Variants in DSG2 observed in about 807,000 individuals in gnomAD.
DSG2 encodes the protein desmoglein 2, also known as desmoglein-2.
In DSG2, 45 loss-of-function variants were observed where a neutral mutation model predicts 75.6. That is an observed-to-expected ratio of 0.60 (90% CI 0.47 to 0.76). The LOEUF is 0.76. Ranked by LOEUF, DSG2 falls within the 30% of genes least tolerant of loss-of-function variation. The probability of loss-of-function intolerance (pLI) is 0.00; values close to 1 mark genes in which losing one functional copy is unlikely to be tolerated. For missense variants in DSG2, 1,267 were observed against 1,357.4 expected (o/e 0.93, Z 1.05); for synonymous variants, 429 against 483.9 (o/e 0.89, Z 1.49).
At chr18:31,511,427 T>A (rs939387743) in intron 1 of DSG2, among the ~76,000 whole-genome samples, 5 of 152,142 alleles carry the variant, frequency 3.3e-5, no homozygotes, top group African/African-American at 1.2e-4. Context: ...TGGAGAACGA[T>A]TGGTCTAAAT....
intron 5 of DSG2, 147 bp downstream of exon 5, chr18:31,521,390 C>G: frequency 1.2e-6 from 1 of 865,772 alleles, no homozygotes; most frequent in Non-Finnish European, 1.8e-6. Context: ...AACTGCTTTC[C>G]TTATAGGTTT....
At chr18:31,510,810 T>C (rs2073062458) in intron 1 of DSG2, among the ~76,000 whole-genome samples, 1 of 152,230 alleles carries the variant, frequency 6.6e-6, no homozygotes, top group African/African-American at 2.4e-5. Flanking sequence ...TTACTTTTCC[T>C]CGTCAGTCTT....
intron 1 of DSG2, among the ~76,000 whole-genome samples, chr18:31,514,643 A>G (rs780026018): frequency 1.3e-5 from 2 of 152,202 alleles, no homozygotes; most frequent in African/African-American, 2.4e-5. Context: ...CAACATTGCT[A>G]TCATCTGAAA....
At chr18:31,506,730 TTA>T (rs1357858530) in intron 1 of DSG2, among the ~76,000 whole-genome samples, 2 of 152,222 alleles carry the variant, frequency 1.3e-5, no homozygotes, top group African/African-American at 4.8e-5. Context: ...ACAGCTTTAT[TTA>T]TATTTTGCCT....
intron 1 of DSG2, among the ~76,000 whole-genome samples, chr18:31,505,518 C>T (rs1002441605): frequency 1.3e-5 from 2 of 152,156 alleles, no homozygotes; most frequent in African/African-American, 2.4e-5. Flanking sequence ...AGCTAAATGC[C>T]TTGGGCACGG....
intron 6 of DSG2, among the ~76,000 whole-genome samples, chr18:31,523,109 G>A (rs2073138872): frequency 1.3e-5 from 2 of 152,130 alleles, no homozygotes; most frequent in African/African-American, 4.8e-5. Context: ...GTATTTCTTA[G>A]AGAAATGATT....
intron 8 of DSG2, 107 bp downstream of exon 8, chr18:31,524,995 C>T: frequency 9.5e-7 from 1 of 1,053,246 alleles, no homozygotes; most frequent in African/African-American, 1.6e-5. Flanking sequence ...ATTCAATTAA[C>T]TAGCACTACA....
Position 31,508,945 on chromosome 18 carries a change from C to T in DSG2, c.46-9294C>T, listed in dbSNP as rs746956955. Among the ~76,000 whole-genome samples, 22 of 152,290 alleles carry T rather than the reference C, an allele frequency of 1.4e-4. No individual in the cohort carries two copies. The Middle Eastern group carries it at 0.014, about 94-fold the overall frequency. On this transcript the variant is annotated intron_variant, in intron 1 of 14. Coordinates refer to ENST00000261590, the MANE Select transcript of DSG2 (RefSeq NM_001943.5). ...CCATCCAGACCTACTGAGTCAGACA[C>T]TCTAAGGCGGGACTCAGTAATCTGT...
chr18:31,531,228 A>G lies in DSG2; in HGVS notation c.1256A>G (p.Asp419Gly), dbSNP rs760135423. The change falls in exon 9 of 15, where the codon GAC (aspartate) becomes GGC (glycine). Residue 419 changes from aspartate (D) to glycine (G), a missense_variant. Transcript: ENST00000261590. ...IIGNFQAFDEDTGLPAHARYV... is the reference protein window; with the variant it reads ...IIGNFQAFDEGTGLPAHARYV... The stretch of plus-strand genomic sequence containing the variant: ...GGAAATTTTCAAGCTTTTGATGAGG[A>G]CACTGGACTACCAGCCCATGCAAGG... 1 of 1,614,204 alleles carries G rather than the reference A, an allele frequency of 6.2e-7. No homozygotes were observed. Among genetic ancestry groups the G allele is most frequent in the Non-Finnish European group, 8.5e-7 (1 of 1,180,028 alleles).
intron 9 of DSG2, among the ~76,000 whole-genome samples, chr18:31,534,347 T>C (rs973618801): frequency 6.6e-6 from 1 of 152,106 alleles, no homozygotes; most frequent in Admixed American, 6.6e-5. Context: ...CAGCATTGGC[T>C]CCTTCCACAC....
At chr18:31,500,320 C>A (rs2073007375) in intron 1 of DSG2, among the ~76,000 whole-genome samples, 1 of 152,218 alleles carries the variant, frequency 6.6e-6, no homozygotes, top group Non-Finnish European at 1.5e-5. Context: ...GAGCTGCTGC[C>A]TCTCCTGTGA....
Position 31,535,424 on chromosome 18 carries a change from AATAG to A in DSG2, c.1423+15_1423+18del. Reference sequence around the variant, plus strand: ...GGCCATATCAGAAGGTAAGTTATTAAATAGATCTTTTTCTTGATTATATGTATTT... The same window carrying A: ...GGCCATATCAGAAGGTAAGTTATTAAATCTTTTTCTTGATTATATGTATTT... On this transcript the variant is annotated intron_variant, in intron 10 of 14. Coordinates refer to ENST00000261590, the MANE Select transcript of DSG2 (RefSeq NM_001943.5). 1 of 1,589,578 alleles carries A rather than the reference AATAG, an allele frequency of 6.3e-7. No homozygotes were observed. Among genetic ancestry groups the A allele is most frequent in the Non-Finnish European group, 8.6e-7 (1 of 1,159,228 alleles).
At chr18:31,537,348 G>A (rs183675366) in intron 11 of DSG2, among the ~76,000 whole-genome samples, 93 of 152,230 alleles carry the variant, frequency 6.1e-4, no homozygotes, top group African/African-American at 1.5e-3. Context: ...AGCCAGGTGC[G>A]GTGGCTCACG....
chr18:31,511,651 G>A (rs1414500707), intron 1 of DSG2, among the ~76,000 whole-genome samples: 5 of 152,144 alleles, frequency 3.3e-5, no homozygotes. Flanking sequence ...TGCAATACGT[G>A]CTATAAAAAT....
chr18:31,514,186 A>T (rs1045530414), intron 1 of DSG2, among the ~76,000 whole-genome samples: 1 of 152,224 alleles, frequency 6.6e-6, no homozygotes, highest in African/African-American at 2.4e-5. Context: ...TAATCTCTTA[A>T]TTTTGACAAA....
chr18:31,533,039 A>G (rs559905509), intron 9 of DSG2, among the ~76,000 whole-genome samples: 70 of 152,350 alleles, frequency 4.6e-4, no homozygotes, highest in Non-Finnish European at 9.3e-4. Flanking sequence ...TTTAGAATGC[A>G]GTTACAGAAT....
intron 12 of DSG2, among the ~76,000 whole-genome samples, 190 bp from the exon 13 acceptor site, chr18:31,541,003 T>G (rs2073263140): frequency 1.3e-5 from 2 of 152,224 alleles, no homozygotes. Context: ...TCATCCTGCC[T>G]TCGGGTTTTG....
At chr18:31,532,823 T>C (rs1285635588) in intron 9 of DSG2, among the ~76,000 whole-genome samples, 1 of 152,220 alleles carries the variant, frequency 6.6e-6, no homozygotes. Flanking sequence ...GAAACTTATA[T>C]GTTCAAACTA....
chr18:31,505,746 C>A (rs761063822), intron 1 of DSG2, among the ~76,000 whole-genome samples: 1 of 149,764 alleles, frequency 6.7e-6, no homozygotes, highest in Non-Finnish European at 1.5e-5. Context: ...ACTGCAGCTT[C>A]CGCCTCCCAG....
Sources: allele counts gnomAD v4.1 joint callset (sites outside exome capture counted in the v4.1 genomes callset), GRCh38; gene constraint gnomAD v4.1.1; transcripts MANE v1.5; gene names NCBI Gene and HGNC (gene_info 2026-07-23, HGNC 2026-07-21).